The following KCNQ5 variants were observed in gnomAD, a reference collection of about 807,000 sequenced individuals.
KCNQ5 encodes the protein potassium voltage-gated channel subfamily KQT member 5.
KCNQ5 carries 30 observed loss-of-function variants against 98.2 expected under a neutral mutation model. That is an observed-to-expected ratio of 0.31 (90% CI 0.23 to 0.41). KCNQ5 has a LOEUF of 0.41. Ranked by LOEUF, KCNQ5 falls within the 10% of genes least tolerant of loss-of-function variation. KCNQ5 has a pLI of 1.00. For synonymous variants in KCNQ5, 458 were observed against 449.4 expected (o/e 1.02, Z -0.24); for missense variants, 835 against 1,182.5 (o/e 0.71, Z 4.31).
intron 1 of KCNQ5, among the ~76,000 whole-genome samples, chr6:72,650,227 T>G (rs1338694988): frequency 6.6e-6 from 1 of 152,140 alleles, no homozygotes; most frequent in Non-Finnish European, 1.5e-5. Flanking sequence ...TATTTTCTTT[T>G]CTTTGAACTG....
intron 1 of KCNQ5, among the ~76,000 whole-genome samples, chr6:72,865,017 A>G (rs1379046911): frequency 1.3e-5 from 2 of 152,170 alleles, no homozygotes; most frequent in Non-Finnish European, 2.9e-5. Context: ...ACTTGTTGAG[A>G]ACCTTCTACC....
chr6:73,125,372 T>C (rs1224174413), intron 9 of KCNQ5: 1 of 515,308 alleles, frequency 1.9e-6, no homozygotes, highest in Non-Finnish European at 3.9e-6. Flanking sequence ...CAGAGCCAGG[T>C]GGAACCCAGT....
intron 1 of KCNQ5, among the ~76,000 whole-genome samples, chr6:72,776,829 T>A (rs989299497): frequency 6.6e-6 from 1 of 151,986 alleles, no homozygotes; most frequent in Non-Finnish European, 1.5e-5. Context: ...GAAAAATAAA[T>A]AGATGAATAC....
chr6:72,952,483 A>G (rs1339458753), intron 1 of KCNQ5, among the ~76,000 whole-genome samples: 2 of 152,174 alleles, frequency 1.3e-5, no homozygotes, highest in African/African-American at 4.8e-5. Flanking sequence ...GTAGTCTAGA[A>G]TCTGTCTTGC....
At chr6:72,922,810 CTTTTTTT>C (rs369263359) in intron 1 of KCNQ5, among the ~76,000 whole-genome samples, 1 of 103,860 alleles carries the variant, frequency 9.6e-6, no homozygotes, top group Admixed American at 1.1e-4. Context: ...TTTTCTTTTT[CTTTTTTT>C]TTTTTTTTTT....
intron 1 of KCNQ5, among the ~76,000 whole-genome samples, chr6:72,920,308 G>A (rs1780336874): frequency 6.6e-6 from 1 of 151,998 alleles, no homozygotes; most frequent in African/African-American, 2.4e-5. Flanking sequence ...AGGGGGGAGG[G>A]GGATTCTGCC....
intron 1 of KCNQ5, among the ~76,000 whole-genome samples, chr6:72,975,984 C>T (rs1308253639): frequency 6.6e-6 from 1 of 152,188 alleles, no homozygotes; most frequent in African/African-American, 2.4e-5. Flanking sequence ...TAGGTCTAAT[C>T]AGTTGAAAGT....
chr6:72,857,852 A>G lies in KCNQ5; in HGVS notation c.399-146056A>G, dbSNP rs564055965. On this transcript the variant is annotated intron_variant, in intron 1 of 13. Coordinates refer to ENST00000370398, the MANE Select transcript of KCNQ5 (RefSeq NM_019842.4). ...CTCAAAGAGTTCACAGTTGAATTGA[A>G]GAATAAAAGTATGTTCACTAATTTA... Among the ~76,000 whole-genome samples the G allele has an allele frequency of 1.1e-4, 17 of 152,342 alleles. No homozygotes were observed. The East Asian group carries it at 2.7e-3, about 24-fold the overall frequency.
At chr6:73,068,401 T>A (rs1450600796) in intron 3 of KCNQ5, among the ~76,000 whole-genome samples, 7 of 152,238 alleles carry the variant, frequency 4.6e-5, no homozygotes, top group Non-Finnish European at 8.8e-5. Context: ...AGAAACATTT[T>A]ATCTCACAAT....
At chr6:72,754,130 A>G (rs959161745) in intron 1 of KCNQ5, among the ~76,000 whole-genome samples, 6 of 152,050 alleles carry the variant, frequency 3.9e-5, no homozygotes, top group African/African-American at 1.4e-4. Context: ...TCATTCTTTC[A>G]CCATTAAGTG....
chr6:73,085,983 A>G (rs559751089), intron 5 of KCNQ5, among the ~76,000 whole-genome samples: 54 of 152,334 alleles, frequency 3.5e-4, no homozygotes, highest in Non-Finnish European at 7.2e-4. Context: ...CAGAAAAAGT[A>G]TAGTAGATTA....
chr6:72,684,923 A>G (rs2154473985), intron 1 of KCNQ5, among the ~76,000 whole-genome samples: 1 of 152,144 alleles, frequency 6.6e-6, no homozygotes, highest in Non-Finnish European at 1.5e-5. Flanking sequence ...GCATTGCTCC[A>G]TCTCTCCTCT....
At chr6:73,118,834 A>C (rs745617986) in intron 7 of KCNQ5, among the ~76,000 whole-genome samples, 1 of 152,152 alleles carries the variant, frequency 6.6e-6, no homozygotes, top group Admixed American at 6.5e-5. Flanking sequence ...CAGCCTGGCC[A>C]ACATAGTGAA....
chr6:72,934,423 T>A (rs1765814870), intron 1 of KCNQ5, among the ~76,000 whole-genome samples: 1 of 152,140 alleles, frequency 6.6e-6, no homozygotes, highest in Admixed American at 6.5e-5. Context: ...GATAGTGTGA[T>A]AACAGTGGTG....
intron 1 of KCNQ5, among the ~76,000 whole-genome samples, chr6:72,941,692 C>T (rs372113956): frequency 2.6e-3 from 1 of 384 alleles, no homozygotes; most frequent in Non-Finnish European, 8.9e-3. Context: ...TTCTTTCTTT[C>T]TTTCTTTCTT....
chr6:73,142,061 A>T (rs1033512135), intron 10 of KCNQ5, among the ~76,000 whole-genome samples: 1 of 152,208 alleles, frequency 6.6e-6, no homozygotes, highest in East Asian at 1.9e-4. Context: ...TCCTTGCCAC[A>T]TTATTCACAC....
chr6:72,684,123 G>A (rs1021698833), intron 1 of KCNQ5, among the ~76,000 whole-genome samples: 1 of 152,092 alleles, frequency 6.6e-6, no homozygotes, highest in African/African-American at 2.4e-5. Flanking sequence ...TCTCTATAAA[G>A]CAAAAACAAA....
chr6:72,963,614 C>A (rs1767475843), intron 1 of KCNQ5, among the ~76,000 whole-genome samples: 1 of 151,890 alleles, frequency 6.6e-6, no homozygotes, highest in Non-Finnish European at 1.5e-5. Context: ...GAGTTGGAAA[C>A]CTTCATTTAG....
intron 11 of KCNQ5, among the ~76,000 whole-genome samples, chr6:73,180,826 T>C (rs1778380079): frequency 6.6e-6 from 1 of 152,116 alleles, no homozygotes; most frequent in Admixed American, 6.5e-5. Context: ...TCAAACTGCC[T>C]CTTCAGTTCA....
Sources: allele counts gnomAD v4.1 joint callset (sites outside exome capture counted in the v4.1 genomes callset), GRCh38; gene constraint gnomAD v4.1.1; transcripts MANE v1.5; gene names NCBI Gene and HGNC (gene_info 2026-07-23, HGNC 2026-07-21).